Variants in DGKI observed in about 807,000 individuals in gnomAD.
The protein encoded by DGKI is diacylglycerol kinase iota.
Under a neutral mutation model 147.5 loss-of-function variants are expected in DGKI, and 55 were observed. That is an observed-to-expected ratio of 0.37 (90% CI 0.30 to 0.47). DGKI has a LOEUF of 0.47. DGKI is among the 20% of genes least tolerant of loss of function. The pLI is 1.00. For synonymous variants in DGKI, 469 were observed against 477.1 expected (o/e 0.98, Z 0.22); for missense variants, 1,007 against 1,323.8 (o/e 0.76, Z 3.71).
At chr7:137,659,359 T>G (rs778023286) in intron 3 of DGKI, among the ~76,000 whole-genome samples, 2 of 152,358 alleles carry the variant, frequency 1.3e-5, no homozygotes, top group East Asian at 1.9e-4. Flanking sequence ...TTTTAATCAC[T>G]GACTTCACGG....
chr7:137,706,517 T>G (rs1794032541), intron 1 of DGKI, among the ~76,000 whole-genome samples: 1 of 150,158 alleles, frequency 6.7e-6, no homozygotes, highest in South Asian at 2.1e-4. Context: ...TTTATTTCAT[T>G]TTATTTTATT....
At chr7:137,805,602 G>A (rs1200931687) in intron 1 of DGKI, among the ~76,000 whole-genome samples, 2 of 152,192 alleles carry the variant, frequency 1.3e-5, no homozygotes. Flanking sequence ...CAGTGCATAA[G>A]CATGCAACCA....
intron 1 of DGKI, among the ~76,000 whole-genome samples, chr7:137,761,319 T>G (rs1441590557): frequency 6.6e-6 from 1 of 152,220 alleles, no homozygotes; most frequent in Non-Finnish European, 1.5e-5. Flanking sequence ...TGTTCAAATC[T>G]TGGCCCTGGC....
At chr7:137,559,663 T>G (rs1818350582) in intron 19 of DGKI, among the ~76,000 whole-genome samples, 1 of 152,104 alleles carries the variant, frequency 6.6e-6, no homozygotes, top group Non-Finnish European at 1.5e-5. Flanking sequence ...TCACTTTTGT[T>G]TAATGAAAGT....
chr7:137,731,149 G>A (rs1794872053), intron 1 of DGKI, among the ~76,000 whole-genome samples: 1 of 151,990 alleles, frequency 6.6e-6, no homozygotes, highest in Non-Finnish European at 1.5e-5. Context: ...TGCTTGGCTT[G>A]TCTCCATACT....
In DGKI at chr7:137,552,426, T is replaced by C. The variant is rs1306368351; in HGVS notation, c.2090A>G (p.Asn697Ser). The change falls in exon 20 of 33, where the codon AAT becomes AGT. Residue 697 changes from asparagine to serine, a missense_variant. Physicochemically the swap from Asn to Ser is conservative, Grantham distance 46. Transcript: ENST00000614521. ...APAMIRISLR[N>S]QANMVQKSKR... The stretch of plus-strand genomic sequence containing the variant: ...GCTCTTCTGTACCATGTTGGCCTGA[T>C]TCCTCAGGGAGATCCGAATCATAGC... 1.2e-6 allele frequency: 2 copies of C among 1,614,042 alleles called. No homozygotes were observed. Among genetic ancestry groups the C allele is most frequent in the Admixed American group, 3.3e-5 (2 of 60,020 alleles).
chr7:137,448,162 G>A (rs1813786096), intron 27 of DGKI, among the ~76,000 whole-genome samples: 1 of 152,054 alleles, frequency 6.6e-6, no homozygotes, highest in South Asian at 2.1e-4. Context: ...GAGCCAGGGT[G>A]TTCTGCTAGC....
At position 137,587,726 on chromosome 7, in the gene DGKI, T is replaced by C. The variant is rs149770692; in HGVS notation, c.1312-516A>G. On this transcript the variant is annotated intron_variant, in intron 12 of 32. Coordinates refer to ENST00000614521, the MANE Select transcript of DGKI (RefSeq NM_001321708.2). ...AGCACTTAACATGGTACATGGCCCA[T>C]ATAAGTACTTATTAAATGGTTGCCC... Among the ~76,000 whole-genome samples, 22 of 152,336 alleles carry C rather than the reference T, an allele frequency of 1.4e-4. No individual in the cohort carries two copies. In the East Asian group the frequency reaches 4.2e-3, roughly 29 times the overall value.
intron 1 of DGKI, among the ~76,000 whole-genome samples, chr7:137,750,935 C>T (rs897900143): frequency 6.6e-6 from 1 of 152,166 alleles, no homozygotes; most frequent in Non-Finnish European, 1.5e-5. Context: ...TCCTAGGTTT[C>T]AGAGACAATT....
At chr7:137,563,411 T>C (rs1271278502) in intron 19 of DGKI, among the ~76,000 whole-genome samples, 1 of 151,852 alleles carries the variant, frequency 6.6e-6, no homozygotes, top group Non-Finnish European at 1.5e-5. Context: ...AAAAAGAAAT[T>C]TTAAAGAATT....
At chr7:137,410,798 T>C (rs1225747733) in intron 29 of DGKI, among the ~76,000 whole-genome samples, 1 of 152,164 alleles carries the variant, frequency 6.6e-6, no homozygotes, top group Non-Finnish European at 1.5e-5. Flanking sequence ...CAAAACCTAA[T>C]GGAAGGCCTT....
At chr7:137,538,409 T>C (rs751027830) in intron 20 of DGKI, among the ~76,000 whole-genome samples, 4 of 152,232 alleles carry the variant, frequency 2.6e-5, no homozygotes, top group Non-Finnish European at 5.9e-5. Context: ...TCATATTCAG[T>C]GGTCAAATAT....
At chr7:137,815,193 CT>C (rs1007551398) in intron 1 of DGKI, among the ~76,000 whole-genome samples, 8 of 152,158 alleles carry the variant, frequency 5.3e-5, no homozygotes, top group African/African-American at 1.9e-4. Context: ...TTCATCCCCC[CT>C]CCTTCGTCCT....
chr7:137,496,837 T>C (rs914699952), intron 21 of DGKI, among the ~76,000 whole-genome samples: 3 of 152,078 alleles, frequency 2.0e-5, no homozygotes, highest in Non-Finnish European at 4.4e-5. Context: ...CCTAGACCTA[T>C]AAAAACCCTG....
At chr7:137,706,539 CATTTT>C (rs1329404918) in intron 1 of DGKI, among the ~76,000 whole-genome samples, 2 of 146,294 alleles carry the variant, frequency 1.4e-5, no homozygotes, top group African/African-American at 5.1e-5. Context: ...CATTTTATTT[CATTTT>C]ATTTATCTAT....
chr7:137,656,708 GAC>G (rs1465600195), intron 3 of DGKI, among the ~76,000 whole-genome samples, 168 bp from the exon 4 acceptor site: 8 of 152,046 alleles, frequency 5.3e-5, no homozygotes, highest in Non-Finnish European at 8.8e-5. Context: ...TGAATAAACT[GAC>G]AAACTTTATC....
intron 8 of DGKI, among the ~76,000 whole-genome samples, chr7:137,610,697 G>A (rs1482011712): frequency 6.6e-6 from 1 of 152,164 alleles, no homozygotes; most frequent in Non-Finnish European, 1.5e-5. Flanking sequence ...CTCAAGAAAT[G>A]CAAATGTCTA....
intron 1 of DGKI, among the ~76,000 whole-genome samples, chr7:137,811,345 T>TTC (rs1172653415): frequency 5.8e-4 from 42 of 71,904 alleles, no homozygotes; most frequent in East Asian, 1.4e-3. Flanking sequence ...CTGTCTCTCT[T>TTC]TCTCTCTCTC....
intron 1 of DGKI, among the ~76,000 whole-genome samples, chr7:137,728,289 C>T (rs966612103): frequency 6.6e-6 from 1 of 152,134 alleles, no homozygotes; most frequent in African/African-American, 2.4e-5. Flanking sequence ...GCACAAGAGG[C>T]TCAATCAGAC....
Sources: gnomAD v4.1 joint callset for allele counts (sites outside exome capture counted in the v4.1 genomes callset) on GRCh38, gnomAD v4.1.1 for gene constraint, MANE v1.5 for transcripts, NCBI Gene and HGNC (gene_info 2026-07-23, HGNC 2026-07-21) for gene names.